The following SART3 variants were observed in gnomAD, a reference collection of about 807,000 sequenced individuals.
The protein encoded by SART3 is HIV-1 Tat-interacting protein of 110kDa.
Under a neutral mutation model 122.3 loss-of-function variants are expected in SART3, and 44 were observed. The ratio of observed to expected loss-of-function variants is 0.36; its 90% CI spans 0.28 to 0.46. The LOEUF (loss-of-function observed/expected upper bound fraction) is 0.46. Ranked by LOEUF, SART3 falls within the 20% of genes least tolerant of loss-of-function variation. SART3 has a pLI of 1.00. For missense variants in SART3, 1,101 were observed against 1,229.0 expected (o/e 0.90, Z 1.56); for synonymous variants, 442 against 454.0 (o/e 0.97, Z 0.34).
intron 1 of SART3, among the ~76,000 whole-genome samples, chr12:108,559,684 A>G (rs1462460261): frequency 6.6e-6 from 1 of 150,514 alleles, no homozygotes; most frequent in Non-Finnish European, 1.5e-5. Flanking sequence ...AAAAAAAAAA[A>G]AAAGAGAGAA....
intron 12 of SART3, among the ~76,000 whole-genome samples, chr12:108,534,462 T>C (rs1000131363): frequency 4.0e-5 from 6 of 151,280 alleles, no homozygotes; most frequent in Non-Finnish European, 7.4e-5. Flanking sequence ...GGTAGGAGGA[T>C]CACTTGAGGT....
chr12:108,552,434 A>G (rs938741772), intron 1 of SART3, among the ~76,000 whole-genome samples: 2 of 149,804 alleles, frequency 1.3e-5, no homozygotes, highest in Non-Finnish European at 1.5e-5. Flanking sequence ...CCTGATTTGT[A>G]GATGATATGG....
At chr12:108,531,130 G>A (rs991212635) in intron 14 of SART3, 74 bp downstream of exon 14, 53 of 1,123,668 alleles carry the variant, frequency 4.7e-5, no homozygotes, top group Non-Finnish European at 6.9e-5. Context: ...AAAACATCTT[G>A]ACAAGAAACA....
chr12:108,559,631 C>CTCCA (rs1390327061), intron 1 of SART3, among the ~76,000 whole-genome samples: 1 of 146,918 alleles, frequency 6.8e-6, no homozygotes, highest in Non-Finnish European at 1.5e-5. Flanking sequence ...TGCCATTGCA[C>CTCCA]TCCAGTCTGG....
Position 108,526,470 on chromosome 12 carries a change from C to T in SART3, c.1999G>A (p.Ala667Thr), listed in dbSNP as rs375187647. Residue 667 changes from alanine to threonine, a missense_variant, in exon 16 of 19, where the codon GCT becomes ACT. Coordinates refer to ENST00000546815, the MANE Select transcript of SART3 (RefSeq NM_014706.4). ...TQNVEVAAGPAGKCAAVDVEP... is the reference protein window; with the variant it reads ...TQNVEVAAGPTGKCAAVDVEP... ...ACATCTACGGCAGCACATTTCCCAG[C>T]GGGCCCTGCTGCTACTTCTACATTT... 126 of 1,614,134 alleles carry T rather than the reference C, an allele frequency of 7.8e-5. 1 individual carries two copies. The East Asian group carries it at 1.3e-3, about 16-fold the overall frequency.
At chr12:108,544,768 T>C (rs936555388) in intron 4 of SART3, 2 of 584,410 alleles carry the variant, frequency 3.4e-6, no homozygotes, top group Non-Finnish European at 6.1e-6. Flanking sequence ...ACTCACTACA[T>C]TGCCCAGGCT....
At chr12:108,549,029 G>A (rs1174904090) in intron 2 of SART3, 59 bp downstream of exon 2, 6 of 1,612,408 alleles carry the variant, frequency 3.7e-6, no homozygotes, top group Non-Finnish European at 4.2e-6. Context: ...TTTCAACATT[G>A]TAAAAAATGT....
At chr12:108,531,059 T>A in intron 14 of SART3, 145 bp downstream of exon 14, 1 of 659,680 alleles carries the variant, frequency 1.5e-6, no homozygotes, top group Non-Finnish European at 2.7e-6. Flanking sequence ...ACAAGACAGG[T>A]TTAAGCATTG....
intron 1 of SART3, among the ~76,000 whole-genome samples, chr12:108,551,512 A>C (rs910185862): frequency 6.6e-6 from 1 of 152,180 alleles, no homozygotes; most frequent in African/African-American, 2.4e-5. Context: ...AAATTAAAAA[A>C]TTTTTAAGTT....
At chr12:108,544,755 G>A (rs1373428307) in intron 4 of SART3, 14 of 595,130 alleles carry the variant, frequency 2.4e-5, no homozygotes, top group Non-Finnish European at 3.0e-5. Flanking sequence ...TGTAGAGATG[G>A]GGACTCACTA....
At chr12:108,555,555 C>T (rs1246952949) in intron 1 of SART3, among the ~76,000 whole-genome samples, 1 of 152,120 alleles carries the variant, frequency 6.6e-6, no homozygotes, top group Non-Finnish European at 1.5e-5. Flanking sequence ...GTCCCAGCTA[C>T]TCGAAAGGCT....
intron 4 of SART3, 103 bp from the exon 5 acceptor site, chr12:108,544,581 T>G (rs775198026): frequency 1.9e-6 from 3 of 1,546,912 alleles, no homozygotes; most frequent in South Asian, 1.1e-5. Flanking sequence ...TCTTTCTTTT[T>G]CTTTTGAGAA....
intron 6 of SART3, among the ~76,000 whole-genome samples, chr12:108,540,696 C>T (rs1873122895): frequency 6.8e-6 from 1 of 147,180 alleles, no homozygotes; most frequent in South Asian, 2.1e-4. Flanking sequence ...GGATGGGACT[C>T]ACCCTATCCA....
intron 14 of SART3, 144 bp from the exon 15 acceptor site, chr12:108,530,454 G>T: frequency 1.1e-6 from 1 of 882,082 alleles, no homozygotes; most frequent in Non-Finnish European, 1.8e-6. Context: ...GCTCACGGCT[G>T]TTCCACACCA....
At chr12:108,555,016 T>C (rs1452905607) in intron 1 of SART3, among the ~76,000 whole-genome samples, 1 of 152,138 alleles carries the variant, frequency 6.6e-6, no homozygotes, top group African/African-American at 2.4e-5. Context: ...TCTAGTCAAA[T>C]TCATAGAGAC....
chr12:108,555,024 G>A (rs2030158573), intron 1 of SART3, among the ~76,000 whole-genome samples: 1 of 152,106 alleles, frequency 6.6e-6, no homozygotes, highest in Non-Finnish European at 1.5e-5. Flanking sequence ...AATTCATAGA[G>A]ACAGAAAACT....
rs551716700 is a variant in SART3, at chr12:108,561,090, G to A, written c.65C>T (p.Ala22Val). 11 of 1,614,150 alleles carry A rather than the reference G, an allele frequency of 6.8e-6. No homozygotes were observed. The highest frequency in any genetic ancestry group is 2.2e-5 in the South Asian group (2 of 91,086). ...CTTAACCTCATCCTCCTCTCCGTCA[G>A]CCTTGGGCCCAGCCTTGGACTCAGC... The part of the protein sequence containing the change: ...PEAESKAGPK[A>V]DGEEDEVKAA... Residue 22 changes from alanine (A) to valine (V), a missense_variant, in exon 1 of 19, where the codon GCT becomes GTT. Transcript: ENST00000546815.
At chr12:108,543,204 C>T (rs1873247044) in intron 5 of SART3, 52 bp from the exon 6 acceptor site, 13 of 1,605,004 alleles carry the variant, frequency 8.1e-6, no homozygotes, top group Non-Finnish European at 1.1e-5. Context: ...GCTTTATCAA[C>T]CCAAACACAG....
intron 15 of SART3, among the ~76,000 whole-genome samples, chr12:108,529,236 T>C (rs1872535665): frequency 6.6e-6 from 1 of 152,210 alleles, no homozygotes; most frequent in African/African-American, 2.4e-5. Flanking sequence ...ATCATGACTT[T>C]CAGTATATAC....
Sources: gnomAD v4.1 joint callset for allele counts (sites outside exome capture counted in the v4.1 genomes callset) on GRCh38, gnomAD v4.1.1 for gene constraint, MANE v1.5 for transcripts, NCBI Gene and HGNC (gene_info 2026-07-23, HGNC 2026-07-21) for gene names.